PARVB: variants seen among roughly 807,000 people sequenced by gnomAD.
PARVB encodes parvin beta.
A neutral mutation model predicts 47.0 loss-of-function variants in PARVB; 46 were observed. That is an observed-to-expected ratio of 0.98 (90% CI 0.77 to 1.25). PARVB has a LOEUF of 1.25. Ranked by LOEUF, PARVB falls within the 50% of genes most tolerant of loss-of-function variation. The pLI is 0.00. For missense variants in PARVB, 473 were observed against 471.6 expected, an observed-to-expected ratio of 1.00 and a Z score of -0.03; for synonymous variants, 196 against 196.3, an observed-to-expected ratio of 1.00 and a Z score of 0.01.
chr22:44,033,869 G>A (rs919489201), intron 1 of PARVB, among the ~76,000 whole-genome samples: 3 of 152,108 alleles, frequency 2.0e-5, no homozygotes, highest in African/African-American at 4.8e-5. Context: ...GGAAGCAGCT[G>A]TCTCAGCGGA....
At chr22:44,122,540 GAGAGAGAGAGAGACAC>G (rs1569134435) in intron 4 of PARVB, among the ~76,000 whole-genome samples, 10 of 107,494 alleles carry the variant, frequency 9.3e-5, no homozygotes, top group Admixed American at 1.9e-4. Flanking sequence ...GAGAGAGAGA[GAGAGAGAGAGAGACAC>G]AGAGACAGAG....
chr22:44,055,144 T>A lies in PARVB; in HGVS notation c.112+30693T>A, dbSNP rs144236646. ...CATATGTATAGTTTACTGACTAATA[T>A]TAAGGAAGTACCCACGTTCCTGCTA... On this transcript the variant is annotated intron_variant, in intron 1 of 12. Transcript: ENST00000338758. Among the ~76,000 whole-genome samples, 577 of 152,144 alleles carry A rather than the reference T, an allele frequency of 3.8e-3. 5 individuals carry two copies. The highest frequency in any genetic ancestry group is 0.013 in the African/African-American group (556 of 41,520).
intron 2 of PARVB, among the ~76,000 whole-genome samples, chr22:44,008,695 G>C (rs1216257854): frequency 1.3e-5 from 2 of 152,096 alleles, no homozygotes; most frequent in East Asian, 3.9e-4. Flanking sequence ...TATAAAAATA[G>C]AGATGACAGG....
intron 11 of PARVB, 46 bp downstream of exon 11, chr22:44,158,129 A>G: frequency 7.8e-7 from 1 of 1,281,932 alleles, no homozygotes; most frequent in Non-Finnish European, 1.1e-6. Context: ...AGAAATGCTC[A>G]TTGAAATGCA....
At chr22:44,161,133 G>A (rs1043172686) in intron 11 of PARVB, among the ~76,000 whole-genome samples, 1 of 152,060 alleles carries the variant, frequency 6.6e-6, no homozygotes, top group Non-Finnish European at 1.5e-5. Context: ...GTGTGTGCAC[G>A]TGTGCATGTG....
In PARVB at chr22:44,131,679, C is replaced by T. The variant is rs368717873; in HGVS notation, c.517+52C>T. 9.2e-4 allele frequency: 1,410 copies of T among 1,528,500 alleles called. 1 individual carries two copies. The highest frequency in any genetic ancestry group is 1.2e-3 in the Non-Finnish European group (1,350 of 1,137,126). The allele number at this position is 1,528,500 out of a possible 1,614,324, so 94.7% of individuals were successfully genotyped here. A position where few individuals can be genotyped will look rare whatever the true frequency, so the allele number is the denominator to read the frequency against. On this transcript the variant is annotated intron_variant, in intron 5 of 12. Coordinates refer to ENST00000338758, the MANE Select transcript of PARVB (RefSeq NM_013327.5). ...ACTGTCTGGAGGGAGCCCGTCCTCTCGACATTCGTCATCCACATTTGTCAT... is the reference window on the plus strand; with the variant it reads ...ACTGTCTGGAGGGAGCCCGTCCTCTTGACATTCGTCATCCACATTTGTCAT...
chr22:44,010,457 C>G (rs983979150), intron 2 of PARVB: 2 of 152,200 alleles, frequency 1.3e-5, no homozygotes, highest in East Asian at 3.8e-4. Context: ...ACAAGCAGTC[C>G]TGCAGTGTGC....
At chr22:44,048,597 T>C (rs1463506837) in intron 1 of PARVB, among the ~76,000 whole-genome samples, 2 of 152,198 alleles carry the variant, frequency 1.3e-5, no homozygotes, top group East Asian at 3.8e-4. Context: ...AGTCTTGCTC[T>C]GTCACTCAGG....
intron 1 of PARVB, among the ~76,000 whole-genome samples, chr22:44,040,325 A>G (rs2050995803): frequency 6.6e-6 from 1 of 152,204 alleles, no homozygotes; most frequent in South Asian, 2.1e-4. Context: ...GATATGGTAG[A>G]CTGAATAGTA....
chr22:44,047,249 G>A (rs2051130542), intron 1 of PARVB, among the ~76,000 whole-genome samples: 1 of 152,200 alleles, frequency 6.6e-6, no homozygotes, highest in Non-Finnish European at 1.5e-5. Context: ...TCTCCTCATA[G>A]TGGAAGGTGA....
chr22:44,008,226 C>G (rs1038805132), intron 2 of PARVB, among the ~76,000 whole-genome samples: 1 of 152,042 alleles, frequency 6.6e-6, no homozygotes, highest in Non-Finnish European at 1.5e-5. Flanking sequence ...TTAGCACCCC[C>G]GCCCGCCTCC....
chr22:44,015,465 G>A (rs2050566139), intron 2 of PARVB, among the ~76,000 whole-genome samples: 1 of 152,128 alleles, frequency 6.6e-6, no homozygotes, highest in African/African-American at 2.4e-5. Flanking sequence ...TTGTTACCAC[G>A]TATACAATAA....
At chr22:44,025,615 G>T (rs943201276) in intron 1 of PARVB, among the ~76,000 whole-genome samples, 2 of 152,124 alleles carry the variant, frequency 1.3e-5, no homozygotes, top group African/African-American at 4.8e-5. Context: ...AGGTCTCCTG[G>T]CGGATAGGTC....
chr22:44,009,862 C>G (rs112564443), intron 2 of PARVB, among the ~76,000 whole-genome samples: 3,133 of 143,398 alleles, frequency 0.022, 127 homozygotes, highest in African/African-American at 0.077. Context: ...GGCTGGAGTG[C>G]GGCGGCGTGA....
At chr22:44,075,751 C>T (rs532407055) in intron 1 of PARVB, among the ~76,000 whole-genome samples, 14 of 152,358 alleles carry the variant, frequency 9.2e-5, no homozygotes, top group African/African-American at 2.4e-4. Context: ...GTTTCCTCCA[C>T]GCCTTTTCAC....
chr22:44,035,163 A>C (rs1027868543), intron 1 of PARVB, among the ~76,000 whole-genome samples: 1 of 152,176 alleles, frequency 6.6e-6, no homozygotes, highest in Non-Finnish European at 1.5e-5. Context: ...TGAGGAAAGA[A>C]AATGTTATTA....
At chr22:44,113,363 G>A (rs141094671) in intron 3 of PARVB, 286 of 20,260 alleles carry the variant, frequency 0.014, no homozygotes, top group African/African-American at 0.054. Flanking sequence ...CTAAGGCCCT[G>A]CACCAACACA....
intron 1 of PARVB, among the ~76,000 whole-genome samples, chr22:44,092,048 C>A (rs77260134): frequency 0.06 from 9,126 of 152,176 alleles, 338 homozygotes; most frequent in Middle Eastern, 0.11. Flanking sequence ...TACATTTAGC[C>A]CTTCCAAAGA....
At chr22:44,032,295 G>C (rs556603955) in intron 1 of PARVB, among the ~76,000 whole-genome samples, 1 of 152,296 alleles carries the variant, frequency 6.6e-6, no homozygotes, top group Non-Finnish European at 1.5e-5. Flanking sequence ...CCAGCATCTG[G>C]GTAGTAACAT....
Sources: allele counts gnomAD v4.1 joint callset (sites outside exome capture counted in the v4.1 genomes callset), GRCh38; gene constraint gnomAD v4.1.1; transcripts MANE v1.5; gene names NCBI Gene and HGNC (gene_info 2026-07-23, HGNC 2026-07-21).